Variants in CLU observed in about 807,000 individuals in gnomAD.
The protein encoded by CLU is aging-associated protein 4.
In CLU, 25 loss-of-function variants were observed where a neutral mutation model predicts 46.4. The observed-to-expected ratio is 0.54, with a 90% CI of 0.39 to 0.75. The LOEUF (loss-of-function observed/expected upper bound fraction) is 0.75. Among genes scored for constraint, CLU ranks in the 30% least tolerant of loss-of-function variants. The pLI, the probability that CLU is intolerant of heterozygous loss-of-function variation, is 0.00. For missense variants in CLU, 504 were observed against 592.1 expected (o/e 0.85, Z 1.54); for synonymous variants, 235 against 235.1 (o/e 1.00, Z 0.00).
At chr8:27,606,580 C>T (rs1800826982) in intron 3 of CLU, 56 bp from the exon 4 acceptor site, 2 of 1,606,090 alleles carry the variant, frequency 1.2e-6, no homozygotes, top group Non-Finnish European at 1.7e-6. Context: ...CTCATGCACT[C>T]AAAGAGCTGC....
chr8:27,608,731 C>T, intron 3 of CLU: 1 of 634,980 alleles, frequency 1.6e-6, no homozygotes, highest in South Asian at 1.8e-5. Context: ...AGGCTCATAA[C>T]AAAACCAGAT....
Position 27,597,604 on chromosome 8 carries a change from A to T in CLU, c.*637T>A, listed in dbSNP as rs1458879347. The T allele has an allele frequency of 1.5e-5, 7 of 454,048 alleles. No individual in the cohort carries two copies. The highest frequency in any genetic ancestry group is 3.1e-5 in the Non-Finnish European group (7 of 226,804). The allele number at this position is 454,048 out of a possible 1,614,324, so 28.1% of individuals were successfully genotyped here. On this transcript the variant is annotated 3_prime_UTR_variant, in exon 9 of 9. Coordinates refer to ENST00000316403, the MANE Select transcript of CLU (RefSeq NM_001831.4). ...TTCATAACGAAAACATCAATTATGC[A>T]TTATAATACCAAGTACACCTTACAC...
At chr8:27,598,414 G>T in intron 8 of CLU, 46 bp downstream of exon 8, 1 of 1,611,862 alleles carries the variant, frequency 6.2e-7, no homozygotes, top group South Asian at 1.1e-5. Context: ...GGCTCCCAGA[G>T]ACTCACTGGG....
chr8:27,603,050 C>T (rs1338211385), intron 6 of CLU, among the ~76,000 whole-genome samples: 1 of 152,172 alleles, frequency 6.6e-6, no homozygotes, highest in Non-Finnish European at 1.5e-5. Context: ...TAATCAATGA[C>T]TGATAAGACT....
rs771592746 is a variant in CLU at position 27,609,013 on chromosome 8, C to G, written c.171G>C (p.Lys57Asn). 1 of 1,614,010 alleles carries G rather than the reference C, an allele frequency of 6.2e-7. No individual in the cohort carries two copies. Among genetic ancestry groups the G allele is most frequent in the African/African-American group, 1.3e-5 (1 of 74,932 alleles). ...CTTCGTTTGTTTTTTCTATGAGAGT[C>G]TTTATCTGTTTCACCCCGTTGACAG... ...QNAVNGVKQI[K>N]TLIEKTNEER... Residue 57 changes from lysine to asparagine, a missense_variant, in exon 3 of 9, where the codon AAG becomes AAC. By Grantham distance (94) the Lys-to-Asn change is moderately conservative. This residue lies in a region of CLU where 73 missense variants were observed against 91.2 expected (regional missense o/e 0.80). Transcript: ENST00000316403.
intron 3 of CLU, 191 bp downstream of exon 3, chr8:27,608,747 A>G (rs1368980785): frequency 9.1e-6 from 6 of 659,182 alleles, no homozygotes; most frequent in Admixed American, 4.9e-5. Flanking sequence ...CAGATCCAAG[A>G]TCTCACTCCC....
In CLU at chr8:27,598,514, T is replaced by G; in HGVS notation, c.1286A>C (p.Lys429Thr). Reference sequence around the variant, plus strand: ...TTTCTCCGCCACGGTCTCCATAAATTTAGGGTTCTTCCTGGAGACTTCTAC... The same window carrying G: ...TTTCTCCGCCACGGTCTCCATAAATGTAGGGTTCTTCCTGGAGACTTCTAC... ...VPVEVSRKNP[K>T]FMETVAEKAL... The change falls in exon 8 of 9, where the codon AAA becomes ACA. Residue 429 changes from lysine to threonine, a missense_variant. Lys to Thr is a moderately conservative substitution (Grantham distance 78). This residue lies in a region of CLU where 428 missense variants were observed against 484.0 expected (regional missense o/e 0.88). Transcript: ENST00000316403. The G allele has an allele frequency of 6.2e-7, 1 of 1,614,114 alleles. No individual in the cohort carries two copies.
intron 1 of CLU, among the ~76,000 whole-genome samples, chr8:27,612,968 AG>A (rs1013434996): frequency 4.2e-4 from 3 of 7,190 alleles, no homozygotes; most frequent in African/African-American, 1.2e-3. Context: ...GGTGGGGGGC[AG>A]GGGGGGCGGG....
At chr8:27,601,433 C>G (rs1024391719) in intron 6 of CLU, among the ~76,000 whole-genome samples, 5 of 152,218 alleles carry the variant, frequency 3.3e-5, no homozygotes, top group African/African-American at 1.2e-4. Flanking sequence ...CACCTGGTGG[C>G]CAGGGGTCCT....
rs1800827674 is a variant in CLU, at chr8:27,606,634, T to C, written c.247-110A>G. 18 of 1,324,884 alleles carry C rather than the reference T, an allele frequency of 1.4e-5. No homozygotes were observed. In the South Asian group the frequency reaches 1.9e-4, roughly 14 times the overall value. 82.1% of individuals were successfully genotyped at this position (1,324,884 alleles called of 1,614,324 possible). Reference sequence around the variant, plus strand: ...CCCCAGGGCAGGCCTTCCCATAGGCTGGCCACCCAGCATGCAAGTGCCTAC... The same window carrying C: ...CCCCAGGGCAGGCCTTCCCATAGGCCGGCCACCCAGCATGCAAGTGCCTAC... On this transcript the variant is annotated intron_variant, in intron 3 of 8. Transcript: ENST00000316403.
intron 6 of CLU, among the ~76,000 whole-genome samples, chr8:27,601,135 A>G (rs1328524818): frequency 2.0e-5 from 3 of 151,664 alleles, no homozygotes; most frequent in African/African-American, 7.3e-5. Flanking sequence ...TGCAACCTCC[A>G]CCTCCCGGGT....
rs369739038 is a variant in CLU at position 27,599,742 on chromosome 8, G to A, written c.1164+38C>T. The A allele has an allele frequency of 1.4e-6, 2 of 1,479,392 alleles. No homozygotes were observed. The highest frequency in any genetic ancestry group is 2.8e-5 in the African/African-American group (2 of 71,750). 91.6% of individuals were successfully genotyped at this position (1,479,392 alleles called of 1,614,324 possible). On this transcript the variant is annotated intron_variant, in intron 7 of 8. Coordinates refer to ENST00000316403, the MANE Select transcript of CLU (RefSeq NM_001831.4). This position sits in a 1 kb window ranked among gnomAD's most constrained non-coding sequence, Gnocchi z 4.0. ...GCCCCTGCTCCCGATCACAGCTCGG[G>A]CTCCCGAGCCACAGCATGTGGCCGG...
rs746064322 is a variant in CLU, at chr8:27,609,094, A to AGAAGT, written c.98-13_98-9dup. On this transcript the variant is annotated splice_polypyrimidine_tract_variant and intron_variant, in intron 2 of 8. Coordinates refer to ENST00000316403, the MANE Select transcript of CLU (RefSeq NM_001831.4). ...TTCCCTGATTGGACATTTCTGCAAG[A>AGAAGT]GAAGTGCAAGAGGCAGAATGAGGCG... 6.2e-7 allele frequency: 1 copy of AGAAGT among 1,613,744 alleles called. No individual in the cohort carries two copies. Among genetic ancestry groups the AGAAGT allele is most frequent in the Non-Finnish European group, 8.5e-7 (1 of 1,180,038 alleles).
chr8:27,605,720 G>A (rs970453657), intron 4 of CLU, among the ~76,000 whole-genome samples: 1 of 152,182 alleles, frequency 6.6e-6, no homozygotes, highest in Non-Finnish European at 1.5e-5. Flanking sequence ...GCAGAGGACA[G>A]GAGCAACACT....
chr8:27,611,885 G>A (rs2128910634), intron 1 of CLU: 1 of 401,542 alleles, frequency 2.5e-6, no homozygotes, highest in South Asian at 1.8e-5. Context: ...GCCCTGAAAT[G>A]CCTCCAGCAG....
At position 27,598,309 on chromosome 8, in the gene CLU, TC is replaced by T; in HGVS notation, c.1341-60del. 3 of 1,607,228 alleles carry T rather than the reference TC, an allele frequency of 1.9e-6. No individual in the cohort carries two copies. The African/African-American group carries it at 4.0e-5, about 21-fold the overall frequency. ...ACATCCTCCAAAGGAAAAATAAAAT[TC>T]CCCCGTAACTTCCTGGCTTTGTTCT... On this transcript the variant is annotated intron_variant, in intron 8 of 8. Coordinates refer to ENST00000316403, the MANE Select transcript of CLU (RefSeq NM_001831.4).
chr8:27,614,624 C>A (rs758254593), intron 1 of CLU, 31 bp downstream of exon 1: 1 of 520,126 alleles, frequency 1.9e-6, no homozygotes. Context: ...TGTGGCTCTG[C>A]TCAAGGGTAG....
chr8:27,598,353 C>CGGA, intron 8 of CLU, 103 bp from the exon 9 acceptor site: 1 of 1,592,496 alleles, frequency 6.3e-7, no homozygotes, highest in Non-Finnish European at 8.6e-7. Flanking sequence ...TGGCTCCGGG[C>CGGA]GGAGTCGTTC....
chr8:27,614,165 A>G (rs1171546993), intron 1 of CLU: 1 of 152,534 alleles, frequency 6.6e-6, no homozygotes, highest in Non-Finnish European at 1.5e-5. Context: ...CCGCAGCCTC[A>G]TACTTACAGG....
Sources: gnomAD v4.1 joint callset for allele counts (sites outside exome capture counted in the v4.1 genomes callset) on GRCh38, gnomAD v4.1.1 for gene constraint, gnomAD v4.1.1 regional missense constraint, Gnocchi (gnomAD v3.1) non-coding constraint, MANE v1.5 for transcripts, NCBI Gene and HGNC (gene_info 2026-07-23, HGNC 2026-07-21) for gene names.